GABRB1: variants seen among roughly 807,000 people sequenced by gnomAD.
GABRB1 encodes gamma-aminobutyric acid type A receptor subunit beta1.
In GABRB1, 17 loss-of-function variants were observed where a neutral mutation model predicts 51.6. The observed-to-expected ratio is 0.33, with a 90% CI of 0.23 to 0.49. The LOEUF is 0.49. Ranked by LOEUF, GABRB1 falls within the 20% of genes least tolerant of loss-of-function variation. The probability of loss-of-function intolerance (pLI) is 0.99; values close to 1 mark genes in which losing one functional copy is unlikely to be tolerated. For missense variants in GABRB1, 410 were observed against 600.6 expected, an observed-to-expected ratio of 0.68 and a Z score of 3.32; for synonymous variants, 247 against 218.9, an observed-to-expected ratio of 1.13 and a Z score of -1.14.
At chr4:47,197,602 A>G (rs552051742) in intron 4 of GABRB1, among the ~76,000 whole-genome samples, 2 of 152,362 alleles carry the variant, frequency 1.3e-5, no homozygotes, top group Admixed American at 6.5e-5. Context: ...GTGCTTTCCA[A>G]GTCATATTAT....
chr4:47,420,198 G>A (rs1729051068), intron 8 of GABRB1, among the ~76,000 whole-genome samples: 1 of 152,178 alleles, frequency 6.6e-6, no homozygotes, highest in African/African-American at 2.4e-5. Context: ...ACCCTCTTAG[G>A]AAGCAGATCA....
chr4:47,406,945 C>G lies in GABRB1; in HGVS notation c.1080+19C>G, dbSNP rs765037938. 9 of 1,606,634 alleles carry G rather than the reference C, an allele frequency of 5.6e-6. No individual in the cohort carries two copies. The Admixed American group carries it at 1.2e-4, about 21-fold the overall frequency. On this transcript the variant is annotated intron_variant, in intron 8 of 8. Transcript: ENST00000295454. ...AGTCCAGGTAAGATATTAAATATTC[C>G]TAACAATATTCTTGTTAAATTTATC...
In GABRB1 at chr4:47,080,298, GA is replaced by G. The variant is rs59818870; in HGVS notation, c.240+47827del. Among the ~76,000 whole-genome samples the G allele has an allele frequency of 9.6e-4, 136 of 141,048 alleles. 1 individual carries two copies. Among genetic ancestry groups the G allele is most frequent in the Admixed American group, 1.6e-3 (22 of 13,854 alleles). 92.5% of individuals were successfully genotyped at this position (141,048 alleles called of 152,430 possible). A position where few individuals can be genotyped will look rare whatever the true frequency, so the allele number is the denominator to read the frequency against. ...TCTGTGGCAGATCCCAAAGAATGAA[GA>G]AAAAAAAAAAAAGAAGTAGGGTCCT... On this transcript the variant is annotated intron_variant, in intron 3 of 8. Coordinates refer to ENST00000295454, the MANE Select transcript of GABRB1 (RefSeq NM_000812.4).
At chr4:47,376,746 A>AAAGGAAATGGAAGGAAATGG (rs773360246) in intron 5 of GABRB1, among the ~76,000 whole-genome samples, 2 of 152,168 alleles carry the variant, frequency 1.3e-5, no homozygotes, top group Non-Finnish European at 2.9e-5. Context: ...TTGAGCAGTG[A>AAAGGAAATGGAAGGAAATGG]AAGGAAATGG....
At chr4:47,118,282 C>A (rs1715594896) in intron 3 of GABRB1, among the ~76,000 whole-genome samples, 1 of 152,032 alleles carries the variant, frequency 6.6e-6, no homozygotes, top group South Asian at 2.1e-4. Context: ...TTTGCTTTTG[C>A]ATTTGCCATG....
At chr4:47,311,672 A>G (rs1724691934) in intron 4 of GABRB1, among the ~76,000 whole-genome samples, 1 of 152,146 alleles carries the variant, frequency 6.6e-6, no homozygotes, top group African/African-American at 2.4e-5. Context: ...ACAGAACTGT[A>G]AGCGAATAAA....
chr4:47,357,835 A>C (rs1726645130), intron 5 of GABRB1, among the ~76,000 whole-genome samples: 1 of 152,190 alleles, frequency 6.6e-6, no homozygotes, highest in Non-Finnish European at 1.5e-5. Flanking sequence ...GGGCTGCACA[A>C]CATCTTTTAA....
chr4:47,001,366 T>A (rs574486581), intron 1 of GABRB1, among the ~76,000 whole-genome samples: 2 of 152,120 alleles, frequency 1.3e-5, no homozygotes, highest in African/African-American at 4.8e-5. Context: ...ATGGTCTGAA[T>A]CTCCTGACCT....
In GABRB1 at chr4:47,403,394, A is replaced by G. The variant is rs775702028; in HGVS notation, c.621A>G (p.Glu207=). 44 of 1,613,888 alleles carry G rather than the reference A, an allele frequency of 2.7e-5. No individual in the cohort carries two copies. The highest frequency in any genetic ancestry group is 3.5e-5 in the Non-Finnish European group (41 of 1,179,922). The change falls in exon 6 of 9, where the codon GAA becomes GAG. Residue 207 remains glutamate (E), a synonymous_variant. Coordinates refer to ENST00000295454, the MANE Select transcript of GABRB1 (RefSeq NM_000812.4). Reference sequence around the variant, plus strand: ...CAGTCACTGGTGTTAATAAAATCGAACTTCCTCAATTTTCAATTGTTGACT... The same window carrying G: ...CAGTCACTGGTGTTAATAAAATCGAGCTTCCTCAATTTTCAATTGTTGACT... ...EGAVTGVNKI[E]LPQFSIVDYK... is the part of the protein sequence containing the mutation.
chr4:47,006,487 T>C (rs1001946785), intron 1 of GABRB1, among the ~76,000 whole-genome samples: 1 of 152,212 alleles, frequency 6.6e-6, no homozygotes, highest in Non-Finnish European at 1.5e-5. Context: ...ATATGTCTTA[T>C]AACATGAATA....
chr4:47,135,990 G>GGTTT (rs909691631), intron 3 of GABRB1, among the ~76,000 whole-genome samples: 1 of 151,704 alleles, frequency 6.6e-6, no homozygotes, highest in Non-Finnish European at 1.5e-5. Flanking sequence ...GTTTTTGTGG[G>GGTTT]GTTTGTTTGT....
At chr4:47,058,706 A>G (rs930891729) in intron 3 of GABRB1, among the ~76,000 whole-genome samples, 2 of 152,160 alleles carry the variant, frequency 1.3e-5, no homozygotes, top group African/African-American at 4.8e-5. Flanking sequence ...TGTTTTACAT[A>G]TTGCAGTTCC....
chr4:47,234,342 C>T (rs757495576), intron 4 of GABRB1, among the ~76,000 whole-genome samples: 1 of 151,996 alleles, frequency 6.6e-6, no homozygotes, highest in Non-Finnish European at 1.5e-5. Flanking sequence ...ACAAAATTAG[C>T]CGGGCATGGT....
chr4:47,379,736 G>A (rs2110027889), intron 5 of GABRB1, among the ~76,000 whole-genome samples: 1 of 152,084 alleles, frequency 6.6e-6, no homozygotes, highest in African/African-American at 2.4e-5. Context: ...TATGGTATAG[G>A]GTAATTTTTT....
At chr4:47,265,264 G>T (rs1171941584) in intron 4 of GABRB1, among the ~76,000 whole-genome samples, 1 of 152,008 alleles carries the variant, frequency 6.6e-6, no homozygotes, top group Non-Finnish European at 1.5e-5. Context: ...CAGCCATATT[G>T]CTGAAAGACA....
At chr4:47,317,698 C>T (rs1560331053) in intron 4 of GABRB1, among the ~76,000 whole-genome samples, 1 of 151,862 alleles carries the variant, frequency 6.6e-6, no homozygotes, top group Non-Finnish European at 1.5e-5. Context: ...TATCTGTGAG[C>T]TTTCATCTTT....
intron 4 of GABRB1, among the ~76,000 whole-genome samples, chr4:47,311,237 T>TACAACAACAACAACA (rs1382390835): frequency 0.025 from 3,567 of 142,492 alleles, 80 homozygotes; most frequent in Middle Eastern, 0.066. Context: ...CTACTAAAAA[T>TACAACAACAACAACA]ACAACAACAA....
chr4:47,399,687 C>T (rs936158014), intron 5 of GABRB1, among the ~76,000 whole-genome samples: 2 of 152,172 alleles, frequency 1.3e-5, no homozygotes, highest in African/African-American at 4.8e-5. Context: ...CTTTATATAT[C>T]TTCTCTGGAA....
intron 8 of GABRB1, among the ~76,000 whole-genome samples, chr4:47,408,579 T>A (rs765808166): frequency 3.9e-5 from 6 of 152,148 alleles, no homozygotes; most frequent in Non-Finnish European, 7.4e-5. Context: ...GGGAGAGAAG[T>A]AGACAAGATA....
Sources: allele counts gnomAD v4.1 joint callset (sites outside exome capture counted in the v4.1 genomes callset), GRCh38; gene constraint gnomAD v4.1.1; transcripts MANE v1.5; gene names NCBI Gene and HGNC (gene_info 2026-07-23, HGNC 2026-07-21).